Variants in OPCML observed in about 807,000 individuals in gnomAD.
The protein encoded by OPCML is opioid-binding protein/cell adhesion molecule.
OPCML carries 13 observed loss-of-function variants against 37.8 expected under a neutral mutation model. That is an observed-to-expected ratio of 0.34 (90% CI 0.22 to 0.55). OPCML has a LOEUF of 0.55. Among genes scored for constraint, OPCML ranks in the 20% least tolerant of loss-of-function variants. The pLI is 0.91. For synonymous variants in OPCML, 176 were observed against 168.8 expected, an observed-to-expected ratio of 1.04 and a Z score of -0.33; for missense variants, 341 against 435.6, an observed-to-expected ratio of 0.78 and a Z score of 1.93.
chr11:132,699,887 T>G (rs1943740406), intron 2 of OPCML, among the ~76,000 whole-genome samples: 1 of 152,126 alleles, frequency 6.6e-6, no homozygotes, highest in African/African-American at 2.4e-5. Flanking sequence ...TATTCCCTTC[T>G]TTTAAATTCT....
At chr11:132,505,173 G>A (rs560372450) in intron 4 of OPCML, among the ~76,000 whole-genome samples, 65 of 152,240 alleles carry the variant, frequency 4.3e-4, no homozygotes, top group African/African-American at 1.4e-3. Context: ...AAAAGGCAGA[G>A]AATAGGGGCA....
chr11:132,427,814 G>A (rs2095982707), intron 7 of OPCML, among the ~76,000 whole-genome samples: 1 of 152,146 alleles, frequency 6.6e-6, no homozygotes, highest in South Asian at 2.1e-4. Flanking sequence ...GAGCGAGGAG[G>A]GCGGGGTACG....
chr11:132,810,719 G>A (rs904545984), intron 2 of OPCML: 9 of 152,090 alleles, frequency 5.9e-5, no homozygotes, highest in African/African-American at 2.2e-4. Context: ...AAATACCAAA[G>A]AGTGATGTTG....
intron 1 of OPCML, among the ~76,000 whole-genome samples, chr11:133,329,609 T>C (rs1417468508): frequency 7.9e-5 from 12 of 152,226 alleles, no homozygotes; most frequent in Admixed American, 3.9e-4. Context: ...ATTTAATAAA[T>C]GGTTCTGAGA....
In OPCML at chr11:132,570,755, G is replaced by GTGTATA. The variant is rs1555156145; in HGVS notation, c.380-41570_380-41569insTATACA. Reference sequence around the variant, plus strand: ...CTCAGGGGAATAGGCAGGAAAGAGAGTATATATATATATATATATATATAT... The same window carrying GTGTATA: ...CTCAGGGGAATAGGCAGGAAAGAGAGTGTATATATATATATATATATATATATATAT... On this transcript the variant is annotated intron_variant, in intron 3 of 7. Transcript: ENST00000524381. Among the ~76,000 whole-genome samples the GTGTATA allele has an allele frequency of 1.3e-4, 4 of 30,114 alleles. 1 individual carries two copies. In the South Asian group the frequency reaches 6.3e-3, roughly 47 times the overall value. The allele number at this position is 30,114 out of a possible 152,430, so 19.8% of individuals were successfully genotyped here.
chr11:132,820,760 A>G (rs2136247325), intron 2 of OPCML, among the ~76,000 whole-genome samples: 1 of 152,278 alleles, frequency 6.6e-6, no homozygotes, highest in East Asian at 1.9e-4. Flanking sequence ...AGAATAATTA[A>G]AGCTTCCCCC....
chr11:133,083,613 T>G (rs1351238393), intron 1 of OPCML, among the ~76,000 whole-genome samples: 1 of 152,228 alleles, frequency 6.6e-6, no homozygotes, highest in Non-Finnish European at 1.5e-5. Flanking sequence ...CCACTTGCAA[T>G]GGAAAGAGAC....
chr11:132,853,374 A>G (rs1214054721), intron 2 of OPCML, among the ~76,000 whole-genome samples: 6 of 152,202 alleles, frequency 3.9e-5, no homozygotes, highest in South Asian at 2.1e-4. Context: ...CTGTAAATCA[A>G]TATTTTCCAA....
intron 3 of OPCML, among the ~76,000 whole-genome samples, chr11:132,552,053 C>G (rs956176122): frequency 6.6e-6 from 1 of 152,056 alleles, no homozygotes; most frequent in African/African-American, 2.4e-5. Flanking sequence ...AGCACTTGTT[C>G]GCAAATGTGA....
At chr11:133,221,127 A>G (rs184148613) in intron 1 of OPCML, among the ~76,000 whole-genome samples, 220 of 152,288 alleles carry the variant, frequency 1.4e-3, no homozygotes, top group African/African-American at 5.1e-3. Flanking sequence ...GCTAAAGTCT[A>G]TTAGCACTTT....
intron 3 of OPCML, among the ~76,000 whole-genome samples, chr11:132,572,411 T>A (rs982919982): frequency 6.6e-6 from 1 of 152,126 alleles, no homozygotes; most frequent in African/African-American, 2.4e-5. Flanking sequence ...CTTTAAACCA[T>A]TTTGAGTTGG....
chr11:132,803,604 C>T lies in OPCML; in HGVS notation c.146+139322G>A, dbSNP rs137915972. ...TCACTATGATTCAACTTGGAATACT[C>T]GGAACACTCATCCTTCACTAATGAG... On this transcript the variant is annotated intron_variant, in intron 2 of 7. Coordinates refer to ENST00000524381, the MANE Select transcript of OPCML (RefSeq NM_001012393.5). 4.0e-3 allele frequency among the ~76,000 whole-genome samples: 612 copies of T among 152,310 alleles called. 3 individuals are homozygous for T. The highest frequency in any genetic ancestry group is 0.014 in the African/African-American group (581 of 41,574).
chr11:132,630,106 C>T (rs990618112), intron 3 of OPCML, among the ~76,000 whole-genome samples: 3 of 152,206 alleles, frequency 2.0e-5, no homozygotes, highest in Admixed American at 2.0e-4. Context: ...AAGCAATCCA[C>T]AATATGTATC....
At chr11:133,422,634 G>A (rs2098838318) in intron 1 of OPCML, 1 of 972,758 alleles carries the variant, frequency 1.0e-6, no homozygotes. Flanking sequence ...TGAGATTATG[G>A]GTGTGAACCA....
intron 2 of OPCML, among the ~76,000 whole-genome samples, chr11:132,934,096 C>G (rs1355630915): frequency 3.9e-5 from 6 of 152,172 alleles, no homozygotes; most frequent in Admixed American, 2.6e-4. Flanking sequence ...TAGACAGGAG[C>G]AAGCGTCACT....
At chr11:133,080,452 A>T (rs2137029090) in intron 1 of OPCML, among the ~76,000 whole-genome samples, 1 of 149,476 alleles carries the variant, frequency 6.7e-6, no homozygotes, top group African/African-American at 2.5e-5. Flanking sequence ...GTGAGAAAAC[A>T]TTCCCACTTT....
At chr11:132,888,222 C>T (rs139230345) in intron 2 of OPCML, among the ~76,000 whole-genome samples, 169 of 152,266 alleles carry the variant, frequency 1.1e-3, no homozygotes, top group Middle Eastern at 0.01. Context: ...CTGGGTGGGA[C>T]GTCTCACCCC....
chr11:133,051,205 AC>A (rs1013810301), intron 1 of OPCML, among the ~76,000 whole-genome samples: 1 of 152,148 alleles, frequency 6.6e-6, no homozygotes, highest in African/African-American at 2.4e-5. Context: ...AAACAAACCC[AC>A]ACATATTGAT....
intron 1 of OPCML, among the ~76,000 whole-genome samples, chr11:133,013,545 G>A (rs1283484770): frequency 6.6e-6 from 1 of 152,146 alleles, no homozygotes; most frequent in Non-Finnish European, 1.5e-5. Context: ...TTAAATGTAA[G>A]GATAACTTTT....
Sources: gnomAD v4.1 joint callset for allele counts (sites outside exome capture counted in the v4.1 genomes callset) on GRCh38, gnomAD v4.1.1 for gene constraint, MANE v1.5 for transcripts, NCBI Gene and HGNC (gene_info 2026-07-23, HGNC 2026-07-21) for gene names.